The following YAP1 variants were observed in gnomAD, a reference collection of about 807,000 sequenced individuals.
The protein encoded by YAP1 is Yes1 associated transcriptional regulator.
A neutral mutation model predicts 56.9 loss-of-function variants in YAP1; 5 were observed. The observed-to-expected ratio is 0.09, with a 90% CI of 0.05 to 0.18. The LOEUF (loss-of-function observed/expected upper bound fraction) is 0.18. Ranked by LOEUF, YAP1 falls within the 10% of genes least tolerant of loss-of-function variation. YAP1 has a pLI of 1.00. For synonymous variants in YAP1, 265 were observed against 248.1 expected (o/e 1.07, Z -0.64); for missense variants, 539 against 651.8 (o/e 0.83, Z 1.88).
chr11:102,131,934 A>G (rs558517324), intron 2 of YAP1, among the ~76,000 whole-genome samples: 1 of 152,302 alleles, frequency 6.6e-6, no homozygotes, highest in South Asian at 2.1e-4. Context: ...CCTGGCCAAC[A>G]TGATGAAACC....
intron 4 of YAP1, among the ~76,000 whole-genome samples, chr11:102,195,199 C>T (rs1329003551): frequency 6.6e-6 from 1 of 152,186 alleles, no homozygotes; most frequent in Non-Finnish European, 1.5e-5. Flanking sequence ...CCTTTTCTGC[C>T]TCACCTCATT....
rs375219137 is a variant in YAP1, at chr11:102,114,163, C to T, written c.341C>T (p.Thr114Ile). Residue 114 changes from threonine to isoleucine, a missense_variant, in exon 2 of 9, where the codon ACT becomes ATT. Coordinates refer to ENST00000282441, the MANE Select transcript of YAP1 (RefSeq NM_001130145.3). ...HSRQASTDAG[T>I]AGALTPQHVR... ...TAATAGGCCAGTACTGATGCAGGCACTGCAGGAGCCCTGACTCCACAGCAT... is the reference window on the plus strand; with the variant it reads ...TAATAGGCCAGTACTGATGCAGGCATTGCAGGAGCCCTGACTCCACAGCAT... 1.2e-5 allele frequency: 19 copies of T among 1,613,838 alleles called. No individual in the cohort carries two copies. Among genetic ancestry groups the T allele is most frequent in the Non-Finnish European group, 1.5e-5 (18 of 1,179,846 alleles).
rs1346041509 is a variant in YAP1, at chr11:102,227,526, C to T, written c.1221C>T (p.Tyr407=). 31 of 1,613,920 alleles carry T rather than the reference C, an allele frequency of 1.9e-5. No individual in the cohort carries two copies. Among genetic ancestry groups the T allele is most frequent in the Non-Finnish European group, 2.5e-5 (29 of 1,180,004 alleles). ...ACAGTGGACTAAGCATGAGCAGCTA[C>T]AGTGTCCCTCGAACCCCAGATGACT... ...STDSGLSMSS[Y]SVPRTPDDFL... Residue 407 remains tyrosine (Y), a synonymous_variant, in exon 8 of 9, where the codon TAC becomes TAT. Coordinates refer to ENST00000282441, the MANE Select transcript of YAP1 (RefSeq NM_001130145.3).
intron 2 of YAP1, among the ~76,000 whole-genome samples, chr11:102,131,859 C>T (rs917910036): frequency 6.6e-6 from 1 of 152,084 alleles, no homozygotes; most frequent in African/African-American, 2.4e-5. Flanking sequence ...GTTCCATGGG[C>T]AGTGAATATC....
chr11:102,187,119 C>CG (rs1300501623), intron 4 of YAP1, among the ~76,000 whole-genome samples: 10 of 151,808 alleles, frequency 6.6e-5, no homozygotes, highest in African/African-American at 1.9e-4. Flanking sequence ...CACAACCCTG[C>CG]GGGGGGAAAA....
intron 2 of YAP1, among the ~76,000 whole-genome samples, chr11:102,156,684 T>A (rs911163810): frequency 6.6e-6 from 1 of 152,198 alleles, no homozygotes; most frequent in Non-Finnish European, 1.5e-5. Context: ...TTGGGAGGAA[T>A]ATTCTCAGTC....
chr11:102,159,713 A>T (rs952066048), intron 2 of YAP1, among the ~76,000 whole-genome samples: 1 of 152,230 alleles, frequency 6.6e-6, no homozygotes, highest in African/African-American at 2.4e-5. Context: ...TAAATAAATC[A>T]GTCCCACTTT....
At chr11:102,139,283 G>A (rs573850126) in intron 2 of YAP1, among the ~76,000 whole-genome samples, 31 of 151,910 alleles carry the variant, frequency 2.0e-4, no homozygotes, top group African/African-American at 7.5e-4. Flanking sequence ...GAGTTGTATT[G>A]GGTCTATGAA....
At chr11:102,163,752 G>A (rs1450931570) in intron 3 of YAP1, among the ~76,000 whole-genome samples, 1 of 152,148 alleles carries the variant, frequency 6.6e-6, no homozygotes, top group Admixed American at 6.5e-5. Flanking sequence ...GTTGACAGGA[G>A]GGTTCCTTGA....
At chr11:102,219,837 C>G (rs1949835636) in intron 6 of YAP1, among the ~76,000 whole-genome samples, 1 of 151,872 alleles carries the variant, frequency 6.6e-6, no homozygotes, top group Admixed American at 6.6e-5. Context: ...AATCTCAGCT[C>G]ACTGCAACCT....
In YAP1 at chr11:102,229,986, G is replaced by T; in HGVS notation, c.*46G>T. On this transcript the variant is annotated 3_prime_UTR_variant, in exon 9 of 9. Transcript: ENST00000282441. ...TCTAAATCTGTGAAGGATCTAAGGA[G>T]ACACATGCACCGGAAATTTCCATAA... is the stretch of plus-strand genomic sequence containing the variant. 1 of 1,536,016 alleles carries T rather than the reference G, an allele frequency of 6.5e-7. No individual in the cohort carries two copies. Among genetic ancestry groups the T allele is most frequent in the South Asian group, 1.1e-5 (1 of 87,360 alleles).
At chr11:102,215,538 G>A (rs1591444105) in intron 6 of YAP1, among the ~76,000 whole-genome samples, 1 of 152,132 alleles carries the variant, frequency 6.6e-6, no homozygotes, top group Non-Finnish European at 1.5e-5. Context: ...GCAATGGCAC[G>A]ATCTCGGCTC....
At chr11:102,208,116 C>T (rs1949215765) in intron 5 of YAP1, among the ~76,000 whole-genome samples, 1 of 152,166 alleles carries the variant, frequency 6.6e-6, no homozygotes, top group Admixed American at 6.6e-5. Flanking sequence ...CTCAGAGGAA[C>T]TTTGCCCAGA....
intron 8 of YAP1, among the ~76,000 whole-genome samples, chr11:102,228,634 C>CAAAAAAA (rs71059544): frequency 6.0e-4 from 19 of 31,640 alleles, no homozygotes; most frequent in Non-Finnish European, 1.1e-3. Context: ...GACTCCGTCT[C>CAAAAAAA]AAAAAAAAAA....
chr11:102,177,711 T>G (rs1947345021), intron 3 of YAP1, among the ~76,000 whole-genome samples: 1 of 151,794 alleles, frequency 6.6e-6, no homozygotes, highest in African/African-American at 2.4e-5. Flanking sequence ...TGTGAAAGTT[T>G]TGAGGGACAA....
intron 1 of YAP1, 139 bp downstream of exon 1, chr11:102,111,308 A>G: frequency 1.1e-6 from 1 of 889,714 alleles, no homozygotes; most frequent in South Asian, 1.7e-5. Flanking sequence ...CCCGAGGCGA[A>G]GTGGAACTGG....
chr11:102,124,275 GT>G (rs1255447204), intron 2 of YAP1, among the ~76,000 whole-genome samples: 9 of 152,058 alleles, frequency 5.9e-5, no homozygotes, highest in Non-Finnish European at 1.3e-4. Flanking sequence ...CTAGCTTCCA[GT>G]TTGCTAATTG....
chr11:102,210,022 T>G (rs1270484477), intron 6 of YAP1, among the ~76,000 whole-genome samples: 1 of 152,228 alleles, frequency 6.6e-6, no homozygotes, highest in Non-Finnish European at 1.5e-5. Flanking sequence ...CTAGTGGACA[T>G]TCCAAAGGAA....
rs772861185 is a variant in YAP1, at chr11:102,209,549, T to C, written c.1017T>C (p.Asn339=). The C allele has an allele frequency of 4.4e-6, 7 of 1,598,806 alleles. No homozygotes were observed. The African/African-American group carries it at 8.2e-5, about 19-fold the overall frequency. ...AMRNINPSTA[N]SPKCQELALR... ...GGAATATCAATCCCAGCACAGCAAA[T>C]TCTCCAAAATGTCAGGTAGGCTCTT... The change falls in exon 6 of 9, where the codon AAT becomes AAC. Residue 339 remains asparagine (N), a synonymous_variant. Coordinates refer to ENST00000282441, the MANE Select transcript of YAP1 (RefSeq NM_001130145.3).
Sources: gnomAD v4.1 joint callset for allele counts (sites outside exome capture counted in the v4.1 genomes callset) on GRCh38, gnomAD v4.1.1 for gene constraint, MANE v1.5 for transcripts, NCBI Gene and HGNC (gene_info 2026-07-23, HGNC 2026-07-21) for gene names.